ABL1: variants seen among roughly 807,000 people sequenced by gnomAD.
ABL1 encodes ABL proto-oncogene 1, non-receptor tyrosine kinase, also known as tyrosine-protein kinase ABL1.
In ABL1, 11 loss-of-function variants were observed where a neutral mutation model predicts 94.7. The ratio of observed to expected loss-of-function variants is 0.12; its 90% CI spans 0.07 to 0.19. The LOEUF is 0.19. ABL1 is among the 10% of genes least tolerant of loss of function. The pLI is 1.00. For missense variants in ABL1, 1,082 were observed against 1,489.4 expected, an observed-to-expected ratio of 0.73 and a Z score of 4.50; for synonymous variants, 656 against 622.4, an observed-to-expected ratio of 1.05 and a Z score of -0.80.
chr9:130,812,436 G>T (rs1830222308), intron 1 of ABL1, among the ~76,000 whole-genome samples: 1 of 151,812 alleles, frequency 6.6e-6, no homozygotes. Flanking sequence ...ATATTTATAT[G>T]CTGTCTACAG....
chr9:130,753,865 A>C (rs1260437141), intron 1 of ABL1, among the ~76,000 whole-genome samples: 1 of 152,186 alleles, frequency 6.6e-6, no homozygotes, highest in Non-Finnish European at 1.5e-5. Context: ...TAATGTTTTT[A>C]GCTTGGAGGA....
intron 1 of ABL1, among the ~76,000 whole-genome samples, chr9:130,822,874 T>A (rs572382434): frequency 6.6e-6 from 1 of 152,136 alleles, no homozygotes; most frequent in South Asian, 2.1e-4. Flanking sequence ...CTCAGCTCAC[T>A]ACAACCTCTG....
intron 1 of ABL1, among the ~76,000 whole-genome samples, chr9:130,827,794 T>C (rs972091234): frequency 6.6e-5 from 10 of 151,808 alleles, no homozygotes; most frequent in Non-Finnish European, 1.2e-4. Flanking sequence ...ATTGGGAGGC[T>C]GAGGCAGGAG....
intron 4 of ABL1, among the ~76,000 whole-genome samples, chr9:130,864,540 C>T (rs376214085): frequency 6.6e-6 from 1 of 152,194 alleles, no homozygotes; most frequent in African/African-American, 2.4e-5. Flanking sequence ...CCACCACACC[C>T]GGCCCTGGAC....
At chr9:130,732,897 C>T (rs1030809827) in intron 1 of ABL1, among the ~76,000 whole-genome samples, 1 of 151,846 alleles carries the variant, frequency 6.6e-6, no homozygotes, top group Non-Finnish European at 1.5e-5. Context: ...CCTCAAGTGT[C>T]GCTAGGTGAA....
chr9:130,782,359 C>T (rs1368277701), intron 1 of ABL1, among the ~76,000 whole-genome samples: 1 of 152,144 alleles, frequency 6.6e-6, no homozygotes, highest in Non-Finnish European at 1.5e-5. Flanking sequence ...CTGTACCTGG[C>T]CGATATTTTC....
At chr9:130,867,600 C>T (rs1329805204) in intron 4 of ABL1, among the ~76,000 whole-genome samples, 1 of 152,204 alleles carries the variant, frequency 6.6e-6, no homozygotes, top group African/African-American at 2.4e-5. Context: ...TGCCTGTTTC[C>T]TCCACCCAGC....
At chr9:130,717,229 G>A (rs1831454116) in intron 1 of ABL1, among the ~76,000 whole-genome samples, 1 of 152,046 alleles carries the variant, frequency 6.6e-6, no homozygotes, top group African/African-American at 2.4e-5. Flanking sequence ...TTTTAGTAGA[G>A]ATGGAGTTTC....
chr9:130,821,932 C>A (rs536028721), intron 1 of ABL1, among the ~76,000 whole-genome samples: 1 of 151,710 alleles, frequency 6.6e-6, no homozygotes, highest in African/African-American at 2.4e-5. Context: ...CTCTGCCTCC[C>A]GGGTTCATGC....
rs887682149 is a variant in ABL1 at position 130,862,293 on chromosome 9, G to A, written c.550-470G>A. 2.0e-5 allele frequency among the ~76,000 whole-genome samples: 3 copies of A among 152,162 alleles called. No individual in the cohort carries two copies. Among genetic ancestry groups the A allele is most frequent in the Non-Finnish European group, 4.4e-5 (3 of 68,024 alleles). ...TTAGGGTTCTGCTTTCATGAAGCTT[G>A]CATGCTCTTAGGTGGAGACAGACAG... On this transcript the variant is annotated intron_variant, in intron 3 of 10. Coordinates refer to ENST00000318560, the MANE Select transcript of ABL1 (RefSeq NM_005157.6). The surrounding 1 kb of genome is among the most constrained non-coding windows in gnomAD (Gnocchi z 5.5).
At chr9:130,813,200 A>ACG (rs1830233706) in intron 1 of ABL1, among the ~76,000 whole-genome samples, 1 of 150,160 alleles carries the variant, frequency 6.7e-6, no homozygotes, top group Admixed American at 6.7e-5. Context: ...GGCAACAGTG[A>ACG]GACTCCGTCT....
chr9:130,856,314 C>T (rs1484581271), intron 3 of ABL1, among the ~76,000 whole-genome samples: 3 of 152,178 alleles, frequency 2.0e-5, no homozygotes, highest in Non-Finnish European at 2.9e-5. Flanking sequence ...TCTCAAACTC[C>T]TGACCTCAGG....
chr9:130,764,033 G>A (rs969152141), intron 1 of ABL1, among the ~76,000 whole-genome samples: 2 of 152,206 alleles, frequency 1.3e-5, no homozygotes, highest in Non-Finnish European at 2.9e-5. Flanking sequence ...GCAGAGACTG[G>A]GCCGCTGAGT....
chr9:130,833,900 C>A, upstream of ABL1: 2 of 409,046 alleles, frequency 4.9e-6, no homozygotes, highest in South Asian at 1.7e-5. Context: ...ATAACCAAGG[C>A]TTTCTCTGAA....
At position 130,854,051 on chromosome 9, in the gene ABL1, C is replaced by A. The variant is rs761571282; in HGVS notation, c.80-13C>A. 1.3e-6 allele frequency: 2 copies of A among 1,588,160 alleles called. No homozygotes were observed. The highest frequency in any genetic ancestry group is 3.7e-5 in the Admixed American group (2 of 54,162). On this transcript the variant is annotated splice_polypyrimidine_tract_variant and intron_variant, in intron 1 of 10. Coordinates refer to ENST00000318560, the MANE Select transcript of ABL1 (RefSeq NM_005157.6). ...TCCTTTTTCTTTTTTCTGTTCCCCCCTTTCTCTTCCAGAAGCCCTTCAGCG... is the reference window on the plus strand; with the variant it reads ...TCCTTTTTCTTTTTTCTGTTCCCCCATTTCTCTTCCAGAAGCCCTTCAGCG...
chr9:130,787,398 T>G (rs1352526954), intron 1 of ABL1, among the ~76,000 whole-genome samples: 1 of 152,092 alleles, frequency 6.6e-6, no homozygotes, highest in Non-Finnish European at 1.5e-5. Flanking sequence ...AGAGAGAATT[T>G]CCCACGTTTC....
chr9:130,839,131 G>A (rs937393246), intron 1 of ABL1, among the ~76,000 whole-genome samples: 7 of 149,536 alleles, frequency 4.7e-5, no homozygotes, highest in African/African-American at 2.5e-5. Context: ...TAGTTTGCCC[G>A]GGCCAAGCCA....
intron 1 of ABL1, among the ~76,000 whole-genome samples, chr9:130,796,121 C>A (rs1314604632): frequency 1.3e-5 from 2 of 152,006 alleles, no homozygotes; most frequent in Admixed American, 6.6e-5. Context: ...TGCAGTGAGC[C>A]AAGATAGTGC....
At chr9:130,759,883 C>T (rs1832088250) in intron 1 of ABL1, among the ~76,000 whole-genome samples, 1 of 151,886 alleles carries the variant, frequency 6.6e-6, no homozygotes, top group African/African-American at 2.4e-5. Context: ...GCTCTAACCT[C>T]TTAGGCTCAA....
Sources: gnomAD v4.1 joint callset for allele counts (sites outside exome capture counted in the v4.1 genomes callset) on GRCh38, gnomAD v4.1.1 for gene constraint, Gnocchi (gnomAD v3.1) non-coding constraint, MANE v1.5 for transcripts, NCBI Gene and HGNC (gene_info 2026-07-23, HGNC 2026-07-21) for gene names.